The following LRRC37A2 variants were observed in gnomAD, a reference collection of about 807,000 sequenced individuals.
The protein encoded by LRRC37A2 is leucine rich repeat containing 37 member A2, also known as leucine-rich repeat-containing protein 37A2.
Under a neutral mutation model 68.8 loss-of-function variants are expected in LRRC37A2, and 9 were observed. That is an observed-to-expected ratio of 0.13 (90% CI 0.08 to 0.23). LRRC37A2 has a LOEUF of 0.23. Ranked by LOEUF, LRRC37A2 falls within the 10% of genes least tolerant of loss-of-function variation. LRRC37A2 has a pLI of 1.00. For synonymous variants in LRRC37A2, 63 were observed against 367.6 expected (o/e 0.17, Z 9.48); for missense variants, 168 against 950.4 (o/e 0.18, Z 10.82).
the LRRC37A2 span, among the ~76,000 whole-genome samples, chr17:46,463,804 A>C: frequency 1.1e-5 from 1 of 94,680 alleles, no homozygotes; most frequent in African/African-American, 4.0e-5. Context: ...AAAAAAATAA[A>C]ATGAATAATA....
chr17:46,381,474 CT>C, the LRRC37A2 span, among the ~76,000 whole-genome samples: 5 of 4,838 alleles, frequency 1.0e-3, no homozygotes, highest in African/African-American at 2.7e-3. Context: ...TAGGATGACT[CT>C]TTTTTTCAAG....
the LRRC37A2 span, among the ~76,000 whole-genome samples, chr17:46,499,017 TAGAA>T: frequency 2.0e-5 from 3 of 149,698 alleles, no homozygotes; most frequent in Non-Finnish European, 4.4e-5. Context: ...GTCTGGCAAA[TAGAA>T]AGCACTCTAT....
chr17:46,769,749 C>T, the LRRC37A2 span: 1 of 1,605,194 alleles, frequency 6.2e-7, no homozygotes, highest in Non-Finnish European at 8.5e-7. Flanking sequence ...GGGGGCTGCT[C>T]CCTGAAGGGT....
chr17:47,029,797 G>T, the LRRC37A2 span, among the ~76,000 whole-genome samples: 2 of 151,722 alleles, frequency 1.3e-5, no homozygotes, highest in Admixed American at 1.3e-4. Flanking sequence ...GGCCGGGAGC[G>T]GTGGCTCATG....
At chr17:46,679,023 AT>A in the LRRC37A2 span, among the ~76,000 whole-genome samples, 1 of 151,850 alleles carries the variant, frequency 6.6e-6, no homozygotes, top group East Asian at 1.9e-4. Context: ...AAGAAACCAG[AT>A]TTCAAAAAAC....
chr17:46,772,344 C>T, the LRRC37A2 span, among the ~76,000 whole-genome samples: 2 of 152,230 alleles, frequency 1.3e-5, no homozygotes, highest in African/African-American at 4.8e-5. Flanking sequence ...ACGTTCAACG[C>T]GGAGTGAATG....
the LRRC37A2 span, among the ~76,000 whole-genome samples, chr17:46,919,966 AG>A: frequency 6.6e-6 from 1 of 152,078 alleles, no homozygotes; most frequent in African/African-American, 2.4e-5. Context: ...AAAGAAAGAA[AG>A]AAAAAAAAAT....
At chr17:46,940,899 C>G in the LRRC37A2 span, 1 of 1,369,156 alleles carries the variant, frequency 7.3e-7, no homozygotes, top group Non-Finnish European at 9.5e-7. Context: ...TCTCTTCACA[C>G]ATCTGCTTTC....
the LRRC37A2 span, among the ~76,000 whole-genome samples, chr17:46,893,325 C>T: frequency 6.6e-6 from 1 of 152,298 alleles, no homozygotes; most frequent in South Asian, 2.1e-4. Flanking sequence ...TGGCTGCCTT[C>T]TTGGACAGTG....
the LRRC37A2 span, among the ~76,000 whole-genome samples, chr17:46,707,841 G>A: frequency 3.3e-5 from 5 of 152,060 alleles, no homozygotes; most frequent in East Asian, 9.7e-4. Context: ...AAACTAGCCT[G>A]GCCAACATAG....
the LRRC37A2 span, among the ~76,000 whole-genome samples, chr17:46,918,864 C>G: frequency 2.0e-5 from 3 of 152,160 alleles, no homozygotes; most frequent in East Asian, 3.8e-4. Context: ...CATCATATAT[C>G]TTTGCTTTTG....
At chr17:46,829,939 C>T in the LRRC37A2 span, among the ~76,000 whole-genome samples, 9 of 152,076 alleles carry the variant, frequency 5.9e-5, no homozygotes, top group African/African-American at 2.2e-4. Context: ...CTAATTCCAC[C>T]CTTGGCAGGG....
the LRRC37A2 span, among the ~76,000 whole-genome samples, chr17:46,392,213 CTTTTTTT>C: frequency 1.7e-5 from 1 of 59,412 alleles, no homozygotes; most frequent in Non-Finnish European, 3.8e-5. Flanking sequence ...TTTCTTTTTT[CTTTTTTT>C]TTTTTTTTTG....
the LRRC37A2 span, among the ~76,000 whole-genome samples, chr17:46,746,538 TG>T: frequency 8.5e-5 from 13 of 152,140 alleles, no homozygotes; most frequent in African/African-American, 3.1e-4. Context: ...CCAAGATCTG[TG>T]TATAGGTTCA....
At chr17:46,824,549 G>A in the LRRC37A2 span, among the ~76,000 whole-genome samples, 1 of 152,204 alleles carries the variant, frequency 6.6e-6, no homozygotes, top group Non-Finnish European at 1.5e-5. Flanking sequence ...ATGCCCGGCT[G>A]ATTATACATA....
the LRRC37A2 span, among the ~76,000 whole-genome samples, chr17:46,767,880 C>T: frequency 2.6e-5 from 4 of 152,068 alleles, no homozygotes; most frequent in African/African-American, 9.7e-5. Context: ...CCTCTGTCGC[C>T]CAGGTTCAAG....
the LRRC37A2 span, among the ~76,000 whole-genome samples, chr17:46,828,167 G>C: frequency 1.3e-5 from 2 of 151,666 alleles, no homozygotes; most frequent in Admixed American, 6.6e-5. Flanking sequence ...CTTTCTCTCT[G>C]TCTCTCTCTT....
the LRRC37A2 span, chr17:46,955,374 T>A: frequency 2.0e-5 from 3 of 152,004 alleles, no homozygotes; most frequent in African/African-American, 7.2e-5. Flanking sequence ...GCCCACTTGA[T>A]CATGGTGGAT....
chr17:46,489,338 A>G, the LRRC37A2 span, among the ~76,000 whole-genome samples: 1 of 99,644 alleles, frequency 1.0e-5, no homozygotes, highest in African/African-American at 3.7e-5. Context: ...GGGTTTCACC[A>G]TGTTGGCTAG....
Sources: gnomAD v4.1 joint callset for allele counts (sites outside exome capture counted in the v4.1 genomes callset) on GRCh38, gnomAD v4.1.1 for gene constraint, MANE v1.5 for transcripts, NCBI Gene and HGNC (gene_info 2026-07-23, HGNC 2026-07-21) for gene names.